ARHGAP39: variants seen among roughly 807,000 people sequenced by gnomAD.
ARHGAP39 encodes the protein Rho GTPase activating protein 39.
In ARHGAP39, 44 loss-of-function variants were observed where a neutral mutation model predicts 106.9. The ratio of observed to expected loss-of-function variants is 0.41; its 90% CI spans 0.32 to 0.53. The LOEUF is 0.53. ARHGAP39 is among the 20% of genes least tolerant of loss of function. ARHGAP39 has a pLI of 0.21. For synonymous variants in ARHGAP39, 768 were observed against 693.2 expected (o/e 1.11, Z -1.69); for missense variants, 1,496 against 1,577.3 (o/e 0.95, Z 0.87).
intron 9 of ARHGAP39, 72 bp downstream of exon 9, chr8:144,533,054 C>T: frequency 6.5e-7 from 1 of 1,539,818 alleles, no homozygotes; most frequent in Non-Finnish European, 8.8e-7. Context: ...TTAATGGCCC[C>T]TGCATGCCAC....
In ARHGAP39 at chr8:144,548,543, C is replaced by A. The variant is rs1453936126; in HGVS notation, c.597-54G>T. ...ACTGCCTGCCTGCTGCTTCTGGGCA[C>A]GCCCCACCCCCTCGGGGGCTGTAGG... On this transcript the variant is annotated intron_variant, in intron 4 of 11. Coordinates refer to ENST00000377307, the MANE Select transcript of ARHGAP39 (RefSeq NM_025251.3). The surrounding 1 kb of genome is among the most constrained non-coding windows in gnomAD (Gnocchi z 7.4). The A allele has an allele frequency of 1.9e-6, 3 of 1,569,606 alleles. No homozygotes were observed.
chr8:144,612,762 G>A (rs1056850063), intron 1 of ARHGAP39, among the ~76,000 whole-genome samples: 55 of 148,910 alleles, frequency 3.7e-4, no homozygotes, highest in Middle Eastern at 3.5e-3. Flanking sequence ...CCACGGCTGC[G>A]CCGCTGCACT....
chr8:144,685,895 T>G (rs1196269464), upstream of ARHGAP39, among the ~76,000 whole-genome samples: 1 of 149,472 alleles, frequency 6.7e-6, no homozygotes, highest in Non-Finnish European at 1.5e-5. Flanking sequence ...CGCCTCCGGC[T>G]CCGCCCCCGC....
chr8:144,543,417 C>T (rs965574926), intron 6 of ARHGAP39, among the ~76,000 whole-genome samples: 4 of 152,172 alleles, frequency 2.6e-5, no homozygotes, highest in Non-Finnish European at 5.9e-5. Context: ...GGGCTCAGGG[C>T]CAATCAGGGA....
rs1818963757 is a variant in ARHGAP39 at position 144,580,988 on chromosome 8, G to A, written c.370C>T (p.Pro124Ser). Reference protein sequence around the residue: ...ESPRASAESSPGRGSSVSREG... With the variant: ...ESPRASAESSSGRGSSVSREG... Reference sequence around the variant, plus strand: ...CGGCTGACGCTGCTGCCGCGCCCGGGGCTGCTCTCCGCCGAGGCGCGCGGG... The same window carrying A: ...CGGCTGACGCTGCTGCCGCGCCCGGAGCTGCTCTCCGCCGAGGCGCGCGGG... The change falls in exon 3 of 12, where the codon CCC (proline) becomes TCC (serine). Residue 124 changes from proline to serine, a missense_variant. Physicochemically the swap from Pro to Ser is moderately conservative, Grantham distance 74 (BLOSUM62 -1). Around this residue, in one of 4 missense-constraint regions of ARHGAP39, gnomAD observed 905 missense variants for 816.4 expected, o/e 1.11. Transcript: ENST00000377307. 2.5e-6 allele frequency: 4 copies of A among 1,598,004 alleles called. No individual in the cohort carries two copies. Among genetic ancestry groups the A allele is most frequent in the Non-Finnish European group, 3.4e-6 (4 of 1,173,302 alleles).
intron 2 of ARHGAP39, among the ~76,000 whole-genome samples, chr8:144,583,117 G>A (rs1025175527): frequency 1.7e-4 from 26 of 152,050 alleles, no homozygotes; most frequent in African/African-American, 5.3e-4. Context: ...TTCTCAGCCC[G>A]GGGTCTCGCC....
At chr8:144,636,614 T>G (rs144378504) in intron 1 of ARHGAP39, among the ~76,000 whole-genome samples, 2 of 152,326 alleles carry the variant, frequency 1.3e-5, no homozygotes, top group Non-Finnish European at 2.9e-5. Flanking sequence ...CCATTTTCAC[T>G]TCTGCAGGAT....
At chr8:144,610,317 T>G (rs1266333937) in intron 1 of ARHGAP39, among the ~76,000 whole-genome samples, 1 of 152,220 alleles carries the variant, frequency 6.6e-6, no homozygotes, top group Non-Finnish European at 1.5e-5. Flanking sequence ...ATTTCCACTT[T>G]GATGTTTGTT....
intron 3 of ARHGAP39, among the ~76,000 whole-genome samples, chr8:144,560,071 T>C (rs904310106): frequency 3.9e-5 from 6 of 152,276 alleles, no homozygotes; most frequent in African/African-American, 1.2e-4. Flanking sequence ...ATATCTTCTA[T>C]GACTAATGTA....
At position 144,538,501 on chromosome 8, in the gene ARHGAP39, T is replaced by C. The variant is rs1203997383; in HGVS notation, c.2522-688A>G. Among the ~76,000 whole-genome samples, 3 of 152,182 alleles carry C rather than the reference T, an allele frequency of 2.0e-5. No individual in the cohort carries two copies. The East Asian group carries it at 5.8e-4, about 29-fold the overall frequency. ...GATATGTACGTAAATTATTTGTCAT[T>C]ATTCTGCACAGATTTGTCTATTCCT... On this transcript the variant is annotated intron_variant, in intron 6 of 11. Transcript: ENST00000377307.
intron 2 of ARHGAP39, among the ~76,000 whole-genome samples, chr8:144,596,298 C>T (rs569648291): frequency 6.6e-6 from 1 of 150,572 alleles, no homozygotes; most frequent in Non-Finnish European, 1.5e-5. Context: ...GCACTCTCCA[C>T]CACCCCTCAG....
At position 144,684,008 on chromosome 8, in the gene ARHGAP39, C is replaced by G. The variant is rs1415046677; in HGVS notation, c.-82+1678G>C. Among the ~76,000 whole-genome samples, 1 of 152,176 alleles carries G rather than the reference C, an allele frequency of 6.6e-6. No individual in the cohort carries two copies. The highest frequency in any genetic ancestry group is 1.5e-5 in the Non-Finnish European group (1 of 68,040). On this transcript the variant is annotated intron_variant, in intron 1 of 11. Transcript: ENST00000377307. The surrounding 1 kb of genome is among the most constrained non-coding windows in gnomAD (Gnocchi z 4.4). ...CTATGAGGCCAATATTATTAGTGTTCCCATTTTACAGATGAGAAGCCAAAG... is the reference window on the plus strand; with the variant it reads ...CTATGAGGCCAATATTATTAGTGTTGCCATTTTACAGATGAGAAGCCAAAG...
Position 144,552,250 on chromosome 8 carries a change from C to T in ARHGAP39, c.596+3310G>A, listed in dbSNP as rs150096228. ...GGCTGCTTCTCCCAGAGCCTATTTT[C>T]GGAGGAAGAATTGGAAGCGCTGCAC... On this transcript the variant is annotated intron_variant, in intron 4 of 11. Transcript: ENST00000377307. Among the ~76,000 whole-genome samples, 49 of 152,336 alleles carry T rather than the reference C, an allele frequency of 3.2e-4. 1 individual carries two copies. The East Asian group carries it at 6.4e-3, about 20-fold the overall frequency.
intron 1 of ARHGAP39, among the ~76,000 whole-genome samples, chr8:144,667,992 A>T (rs890348819): frequency 4.0e-5 from 6 of 151,630 alleles, no homozygotes; most frequent in African/African-American, 1.5e-4. Context: ...AAATGCCAGT[A>T]TGTGCTTCAT....
chr8:144,628,137 TG>T (rs952050615), intron 1 of ARHGAP39, among the ~76,000 whole-genome samples: 2 of 152,176 alleles, frequency 1.3e-5, no homozygotes, highest in African/African-American at 4.8e-5. Context: ...TGGCTGATGT[TG>T]GCCCCACACA....
chr8:144,538,888 T>A (rs1247939907), intron 6 of ARHGAP39, among the ~76,000 whole-genome samples: 1 of 152,164 alleles, frequency 6.6e-6, no homozygotes, highest in East Asian at 1.9e-4. Context: ...GGATTTTACT[T>A]TATACTTGGG....
intron 3 of ARHGAP39, among the ~76,000 whole-genome samples, chr8:144,568,105 G>T (rs1818466676): frequency 6.6e-6 from 1 of 152,090 alleles, no homozygotes; most frequent in Non-Finnish European, 1.5e-5. Flanking sequence ...GCTGAGGTGG[G>T]CAGATCACCT....
intron 1 of ARHGAP39, among the ~76,000 whole-genome samples, chr8:144,664,025 G>A (rs1821900115): frequency 6.6e-6 from 1 of 152,048 alleles, no homozygotes; most frequent in East Asian, 1.9e-4. Context: ...CAATTAGCCG[G>A]GCATAGTGGT....
intron 3 of ARHGAP39, among the ~76,000 whole-genome samples, chr8:144,565,109 C>CA (rs966122978): frequency 5.4e-5 from 8 of 147,592 alleles, no homozygotes; most frequent in Non-Finnish European, 7.5e-5. Context: ...AATTCCATCT[C>CA]AAAAAAAAAA....
Sources: allele counts gnomAD v4.1 joint callset (sites outside exome capture counted in the v4.1 genomes callset), GRCh38; gene constraint gnomAD v4.1.1; regional missense constraint gnomAD v4.1.1; non-coding constraint Gnocchi (gnomAD v3.1); transcripts MANE v1.5; gene names NCBI Gene and HGNC (gene_info 2026-07-23, HGNC 2026-07-21).